The following DNAH7 variants were observed in gnomAD, a reference collection of about 807,000 sequenced individuals.
DNAH7 encodes dynein axonemal heavy chain 7.
In DNAH7, 397 loss-of-function variants were observed where a neutral mutation model predicts 444.6. The ratio of observed to expected loss-of-function variants is 0.89; its 90% CI spans 0.82 to 0.97. DNAH7 has a LOEUF of 0.97. Among genes scored for constraint, DNAH7 ranks in the 50% least tolerant of loss-of-function variants. DNAH7 has a pLI of 0.00. For synonymous variants in DNAH7, 1,636 were observed against 1,624.4 expected, an observed-to-expected ratio of 1.01 and a Z score of -0.17; for missense variants, 4,902 against 4,800.8, an observed-to-expected ratio of 1.02 and a Z score of -0.62.
At chr2:195,874,812 C>T (rs1379844886) in intron 38 of DNAH7, among the ~76,000 whole-genome samples, 3 of 152,030 alleles carry the variant, frequency 2.0e-5, no homozygotes, top group Admixed American at 1.3e-4. Flanking sequence ...CAGAGTGAGA[C>T]CCTGTCTCAA....
At chr2:195,880,991 T>C (rs1701342681) in intron 36 of DNAH7, among the ~76,000 whole-genome samples, 1 of 151,578 alleles carries the variant, frequency 6.6e-6, no homozygotes, top group South Asian at 2.1e-4. Context: ...CTGTACACTT[T>C]TAGTTTTTTT....
chr2:195,795,570 A>G (rs1696095075), intron 56 of DNAH7, among the ~76,000 whole-genome samples: 2 of 152,224 alleles, frequency 1.3e-5, no homozygotes, highest in Admixed American at 1.3e-4. Flanking sequence ...AGAGCATGGA[A>G]GTCATGATGA....
rs1233199159 is a variant in DNAH7 at position 195,824,446 on chromosome 2, C to T, written c.9101-1G>A. 1.9e-6 allele frequency: 3 copies of T among 1,595,964 alleles called. No individual in the cohort carries two copies. Among genetic ancestry groups the T allele is most frequent in the Non-Finnish European group, 2.6e-6 (3 of 1,172,842 alleles). ...TCTTCGCCAACATTTTCTAGCAACACTGGAGTAAAATCAGAAAAGATTTCA... is the reference window on the plus strand; with the variant it reads ...TCTTCGCCAACATTTTCTAGCAACATTGGAGTAAAATCAGAAAAGATTTCA... On this transcript the variant is annotated splice_acceptor_variant, in intron 48 of 64. Coordinates refer to ENST00000312428, the MANE Select transcript of DNAH7 (RefSeq NM_018897.3). LOFTEE classifies it high-confidence loss of function.
chr2:195,935,011 T>C (rs976051911), intron 20 of DNAH7, among the ~76,000 whole-genome samples: 1 of 152,180 alleles, frequency 6.6e-6, no homozygotes, highest in African/African-American at 2.4e-5. Flanking sequence ...TCACAAAACA[T>C]CTGTAAAATT....
intron 16 of DNAH7, 26 bp from the exon 17 acceptor site, chr2:195,970,120 A>G: frequency 6.3e-7 from 1 of 1,576,936 alleles, no homozygotes; most frequent in Non-Finnish European, 8.6e-7. Context: ...TGTTGTTAAT[A>G]TTCTTAAAAG....
At chr2:195,771,563 A>G in intron 61 of DNAH7, 97 bp downstream of exon 61, 1 of 889,684 alleles carries the variant, frequency 1.1e-6, no homozygotes, top group Non-Finnish European at 1.8e-6. Context: ...AACCCAAAAC[A>G]GTGCTTATAC....
chr2:195,897,787 C>A, intron 28 of DNAH7, 22 bp from the exon 29 acceptor site: 21 of 1,150,852 alleles, frequency 1.8e-5, no homozygotes, highest in South Asian at 2.7e-5. Flanking sequence ...AAAAAAAACT[C>A]ATGAGGATAT....
chr2:196,033,210 T>G lies in DNAH7; in HGVS notation c.399-5163A>C, dbSNP rs190802109. 9.2e-5 allele frequency among the ~76,000 whole-genome samples: 14 copies of G among 152,298 alleles called. 1 individual carries two copies. The East Asian group carries it at 2.7e-3, about 29-fold the overall frequency. On this transcript the variant is annotated intron_variant, in intron 5 of 64. Transcript: ENST00000312428. Reference sequence around the variant, plus strand: ...ATTGATGATTTATAGTTGTATATGATTATAAGGTAAAAAGTGTTATGATTT... The same window carrying G: ...ATTGATGATTTATAGTTGTATATGAGTATAAGGTAAAAAGTGTTATGATTT...
At chr2:195,835,513 C>G (rs553972666) in intron 47 of DNAH7, among the ~76,000 whole-genome samples, 1 of 151,784 alleles carries the variant, frequency 6.6e-6, no homozygotes, top group African/African-American at 2.4e-5. Context: ...ATAAAAAAAA[C>G]CATATTTTTA....
At chr2:196,062,527 G>A (rs1252618904) in intron 1 of DNAH7, among the ~76,000 whole-genome samples, 1 of 152,122 alleles carries the variant, frequency 6.6e-6, no homozygotes, top group Non-Finnish European at 1.5e-5. Context: ...GTTTTGTAAT[G>A]ACCTATCTCC....
chr2:195,923,787 T>A lies in DNAH7; in HGVS notation c.3633A>T (p.Lys1211Asn). 1 of 1,614,122 alleles carries A rather than the reference T, an allele frequency of 6.2e-7. No individual in the cohort carries two copies. ...TATCATCAATTTGTCTGTTACATGT[T>A]TTCAAGTATTGCTCAAGAGCCTGAA... is the stretch of plus-strand genomic sequence containing the variant. ...MGIKALEQYLKTCNRQIDDIV... is the reference protein window; with the variant it reads ...MGIKALEQYLNTCNRQIDDIV... The change falls in exon 23 of 65, where the codon AAA becomes AAT. Residue 1211 changes from lysine (K) to asparagine (N), a missense_variant. Coordinates refer to ENST00000312428, the MANE Select transcript of DNAH7 (RefSeq NM_018897.3).
At chr2:195,942,592 T>A (rs116096026) in intron 19 of DNAH7, among the ~76,000 whole-genome samples, 3,021 of 152,218 alleles carry the variant, frequency 0.02, 98 homozygotes, top group African/African-American at 0.068. Context: ...ACTTCCCATT[T>A]AATGAAATCA....
intron 49 of DNAH7, among the ~76,000 whole-genome samples, chr2:195,818,881 A>G (rs1697342312): frequency 6.6e-6 from 1 of 151,852 alleles, no homozygotes. Flanking sequence ...GTCTTTTTTT[A>G]ATAATAAAGA....
At chr2:196,013,323 T>TCA (rs3052602) in intron 9 of DNAH7, among the ~76,000 whole-genome samples, 25 of 152,250 alleles carry the variant, frequency 1.6e-4, no homozygotes, top group African/African-American at 5.8e-4. Context: ...TGAAGGAGTC[T>TCA]CACATCTAAT....
At chr2:195,893,372 C>G (rs974993727) in intron 30 of DNAH7, 3 of 152,494 alleles carry the variant, frequency 2.0e-5, no homozygotes, top group Admixed American at 6.5e-5. Flanking sequence ...GAAGCTGGGA[C>G]TACAGGCAGC....
intron 55 of DNAH7, 29 bp downstream of exon 55, chr2:195,799,267 A>T: frequency 6.9e-7 from 1 of 1,449,266 alleles, no homozygotes; most frequent in Admixed American, 2.5e-5. Context: ...TTAAAATAAT[A>T]TCCGATAACT....
At chr2:195,799,547 G>A (rs765572574) in intron 54 of DNAH7, 75 bp from the exon 55 acceptor site, 9 of 1,354,300 alleles carry the variant, frequency 6.6e-6, no homozygotes, top group Non-Finnish European at 8.8e-6. Context: ...AGATTCAAAG[G>A]AGTTTTAAAA....
rs185734469 is a variant in DNAH7 at position 195,950,316 on chromosome 2, C to T, written c.3078+6945G>A. 1.7e-3 allele frequency among the ~76,000 whole-genome samples: 253 copies of T among 152,192 alleles called. 1 individual carries two copies. The highest frequency in any genetic ancestry group is 5.9e-3 in the African/African-American group (246 of 41,528). ...ATTAGTCTATTCAGGGATTCAACTT[C>T]TTCCTGGTTTAGTTTTGGGAGGGTG... On this transcript the variant is annotated intron_variant, in intron 19 of 64. Transcript: ENST00000312428.
intron 19 of DNAH7, among the ~76,000 whole-genome samples, chr2:195,956,095 A>T (rs1447962076): frequency 6.6e-6 from 1 of 152,170 alleles, no homozygotes; most frequent in East Asian, 1.9e-4. Context: ...ATATTTTCCT[A>T]TCAGATCATA....
Sources: allele counts gnomAD v4.1 joint callset (sites outside exome capture counted in the v4.1 genomes callset), GRCh38; gene constraint gnomAD v4.1.1; transcripts MANE v1.5; gene names NCBI Gene and HGNC (gene_info 2026-07-23, HGNC 2026-07-21).